The following KRI1 variants were observed in gnomAD, a reference collection of about 807,000 sequenced individuals.
KRI1 encodes the protein protein KRI1 homolog.
In KRI1, 83 loss-of-function variants were observed where a neutral mutation model predicts 97.0. The observed-to-expected ratio is 0.86, with a 90% CI of 0.72 to 1.03. The LOEUF is 1.03. KRI1 is among the 50% of genes least tolerant of loss of function. KRI1 has a pLI of 0.00. For missense variants in KRI1, 916 were observed against 928.4 expected (o/e 0.99, Z 0.17); for synonymous variants, 371 against 363.5 (o/e 1.02, Z -0.23).
chr19:10,565,943 C>T lies in KRI1; in HGVS notation c.57G>A (p.Arg19=). The T allele has an allele frequency of 6.5e-7, 1 of 1,531,468 alleles. No homozygotes were observed. Among genetic ancestry groups the T allele is most frequent in the East Asian group, 2.5e-5 (1 of 39,312 alleles). 94.9% of individuals were successfully genotyped at this position (1,531,468 alleles called of 1,614,324 possible). Residue 19 remains arginine, a synonymous_variant, in exon 1 of 19, where the codon CGG becomes CGA. Transcript: ENST00000312962. ...QLRVNAAFAA[R]YNRYREREEL... ...CCTCGCGCTCCCGGTAGCGGTTGTACCGCGCGGCAAACGCCGCGTTCACCC... is the reference window on the plus strand; with the variant it reads ...CCTCGCGCTCCCGGTAGCGGTTGTATCGCGCGGCAAACGCCGCGTTCACCC...
At chr19:10,556,626 C>G (rs543094333) in intron 16 of KRI1, among the ~76,000 whole-genome samples, 33 of 151,326 alleles carry the variant, frequency 2.2e-4, no homozygotes, top group Non-Finnish European at 3.8e-4. Flanking sequence ...GAGTTTGCAC[C>G]ACCGCATGCC....
chr19:10,554,990 A>G (rs1916452333), intron 18 of KRI1, 97 bp downstream of exon 18: 1 of 997,388 alleles, frequency 1.0e-6, no homozygotes, highest in Admixed American at 2.3e-5. Context: ...GGGGCGCTGC[A>G]TTCCCAAAGT....
chr19:10,553,781 T>C lies in KRI1; in HGVS notation c.*170A>G. 1.6e-6 allele frequency: 1 copy of C among 614,224 alleles called. No individual in the cohort carries two copies. Among genetic ancestry groups the C allele is most frequent in the Non-Finnish European group, 2.7e-6 (1 of 367,250 alleles). The allele number at this position is 614,224 out of a possible 1,614,324, so 38.0% of individuals were successfully genotyped here. ...TAAGTTGCCCACGCTGGTCTCCAATTCCTGGGCTCAAGTGATCCTTTCACC... is the reference window on the plus strand; with the variant it reads ...TAAGTTGCCCACGCTGGTCTCCAATCCCTGGGCTCAAGTGATCCTTTCACC... On this transcript the variant is annotated 3_prime_UTR_variant, in exon 19 of 19. Transcript: ENST00000312962.
chr19:10,561,655 A>C lies in KRI1; in HGVS notation c.488+12T>G, dbSNP rs975049364. The C allele has an allele frequency of 6.2e-7, 1 of 1,613,464 alleles. No individual in the cohort carries two copies. Among genetic ancestry groups the C allele is most frequent in the African/African-American group, 1.3e-5 (1 of 74,824 alleles). On this transcript the variant is annotated intron_variant, in intron 6 of 18. Coordinates refer to ENST00000312962, the MANE Select transcript of KRI1 (RefSeq NM_023008.5). ...TTCCTCCATTGGGCCATTCCCGCCC[A>C]CCCAGCCTCACCTTTCCTTGAGCTG...
intron 8 of KRI1, 152 bp downstream of exon 8, chr19:10,560,851 A>G: frequency 1.5e-6 from 1 of 659,122 alleles, no homozygotes; most frequent in South Asian, 1.8e-5. Context: ...GGTGTGAACC[A>G]CGGCACCCAG....
chr19:10,555,201 C>G lies in KRI1; in HGVS notation c.1683-16G>C, dbSNP rs1568420644. On this transcript the variant is annotated splice_polypyrimidine_tract_variant and intron_variant, in intron 17 of 18. Coordinates refer to ENST00000312962, the MANE Select transcript of KRI1 (RefSeq NM_023008.5). Reference sequence around the variant, plus strand: ...CTGCTCTGACCTGCAGACAGATGCCCCTGTGTTGGGTGCTCTGGGAAGTGC... The same window carrying G: ...CTGCTCTGACCTGCAGACAGATGCCGCTGTGTTGGGTGCTCTGGGAAGTGC... The G allele has an allele frequency of 5.0e-6, 8 of 1,613,774 alleles. No individual in the cohort carries two copies. In the South Asian group the frequency reaches 7.7e-5, roughly 16 times the overall value.
intron 2 of KRI1, chr19:10,565,457 G>A (rs1916835465): frequency 1.8e-6 from 1 of 556,656 alleles, no homozygotes. Context: ...GAGGAAAGGG[G>A]GGGTTCTTGG....
rs956936142 is a variant in KRI1, at chr19:10,553,753, C to T, written c.*198G>A. The T allele has an allele frequency of 8.2e-5, 46 of 559,896 alleles. 1 individual carries two copies. Among genetic ancestry groups the T allele is most frequent in the African/African-American group, 5.7e-5 (3 of 52,942 alleles). The allele number at this position is 559,896 out of a possible 1,614,324, so 34.7% of individuals were successfully genotyped here. ...ACCACATTTTGTAGAGATGGAGTCT[C>T]GCTAAGTTGCCCACGCTGGTCTCCA... On this transcript the variant is annotated 3_prime_UTR_variant, in exon 19 of 19. Transcript: ENST00000312962.
At position 10,555,194 on chromosome 19, in the gene KRI1, A is replaced by C; in HGVS notation, c.1683-9T>G. The C allele has an allele frequency of 7.0e-7, 1 of 1,437,600 alleles. No homozygotes were observed. The highest frequency in any genetic ancestry group is 9.4e-7 in the Non-Finnish European group (1 of 1,068,496). The allele number at this position is 1,437,600 out of a possible 1,614,324, so 89.1% of individuals were successfully genotyped here. Reference sequence around the variant, plus strand: ...GCTCCTCCTGCTCTGACCTGCAGACAGATGCCCCTGTGTTGGGTGCTCTGG... The same window carrying C: ...GCTCCTCCTGCTCTGACCTGCAGACCGATGCCCCTGTGTTGGGTGCTCTGG... On this transcript the variant is annotated splice_polypyrimidine_tract_variant and intron_variant, in intron 17 of 18. Transcript: ENST00000312962.
In KRI1 at chr19:10,558,243, C is replaced by G; in HGVS notation, c.1195-4G>C. 1.2e-6 allele frequency: 2 copies of G among 1,614,034 alleles called. No individual in the cohort carries two copies. Among genetic ancestry groups the G allele is most frequent in the Non-Finnish European group, 1.7e-6 (2 of 1,179,950 alleles). On this transcript the variant is annotated splice_polypyrimidine_tract_variant and splice_region_variant and intron_variant, in intron 12 of 18. Transcript: ENST00000312962. ...AGTACTCGTCCCCAAAGCACTTCTG[C>G]AGGGTCAGGGCTGGCGGTTACCAGA...
At chr19:10,564,535 T>A (rs1916801452) in intron 3 of KRI1, among the ~76,000 whole-genome samples, 1 of 151,650 alleles carries the variant, frequency 6.6e-6, no homozygotes, top group Non-Finnish European at 1.5e-5. Flanking sequence ...CAATTGACCC[T>A]CCCACCTCAG....
rs1916541555 is a variant in KRI1 at position 10,557,590 on chromosome 19, T to C, written c.1579A>G (p.Thr527Ala). Residue 527 changes from threonine to alanine, a missense_variant, in exon 16 of 19, where the codon ACA becomes GCA. Transcript: ENST00000312962. ...DDLPCRFKYR[T>A]VVPCDFGLST... ...AGGCCAAAGTCACAGGGCACCACTGTGCGGTACTTGAAGCGACAGGGCAGG... is the reference window on the plus strand; with the variant it reads ...AGGCCAAAGTCACAGGGCACCACTGCGCGGTACTTGAAGCGACAGGGCAGG... The C allele has an allele frequency of 1.2e-6, 2 of 1,614,124 alleles. No individual in the cohort carries two copies. The highest frequency in any genetic ancestry group is 1.7e-6 in the Non-Finnish European group (2 of 1,180,014).
rs765411673 is a variant in KRI1, at chr19:10,559,401, A to G, written c.1152T>C (p.Leu384=). Residue 384 remains leucine, a synonymous_variant, in exon 12 of 19, where the codon CTT becomes CTC. Transcript: ENST00000312962. ...NEMLGLEEGD[L]EDDFDPAQHD... ...GCTGGGCAGGGTCGAAGTCGTCTTC[A>G]AGGTCCCCCTCCTCGAGGCCCAGCA... 16 of 1,613,808 alleles carry G rather than the reference A, an allele frequency of 9.9e-6. No individual in the cohort carries two copies. The African/African-American group carries it at 1.3e-4, about 13-fold the overall frequency.
At chr19:10,555,807 G>A (rs1260914122) in intron 16 of KRI1, among the ~76,000 whole-genome samples, 2 of 152,172 alleles carry the variant, frequency 1.3e-5, no homozygotes, top group African/African-American at 2.4e-5. Context: ...AGTACACATC[G>A]GCTATTTTTA....
chr19:10,559,738 C>T, intron 10 of KRI1, 30 bp from the exon 11 acceptor site: 1 of 1,614,078 alleles, frequency 6.2e-7, no homozygotes, highest in Admixed American at 1.7e-5. Flanking sequence ...CCCACAAGGG[C>T]CGCAGAGATG....
Position 10,557,577 on chromosome 19 carries a change from C to T in KRI1, c.1592G>A (p.Cys531Tyr). The change falls in exon 16 of 19, where the codon TGT becomes TAT. Residue 531 changes from cysteine (C) to tyrosine (Y), a missense_variant. By Grantham distance (194) the Cys-to-Tyr change is radical. This residue lies in a region of KRI1 where 672 missense variants were observed against 667.2 expected (regional missense o/e 1.01). Transcript: ENST00000312962. ...CRFKYRTVVP[C>Y]DFGLSTEEIL... ...CTCCTCAGTGCTGAGGCCAAAGTCA[C>T]AGGGCACCACTGTGCGGTACTTGAA... 6.2e-7 allele frequency: 1 copy of T among 1,614,124 alleles called. No homozygotes were observed. Among genetic ancestry groups the T allele is most frequent in the Admixed American group, 1.7e-5 (1 of 60,018 alleles).
In KRI1 at chr19:10,565,817, C is replaced by CCCCG. The variant is rs1555750211; in HGVS notation, c.95-28_95-27insCGGG. On this transcript the variant is annotated intron_variant, in intron 1 of 18. Coordinates refer to ENST00000312962, the MANE Select transcript of KRI1 (RefSeq NM_023008.5). ...TGCGGGACACAGACGGGATGCCCCC[C>CCCCG]CCCAGGTCAGCCGGCGGGGCCACTC... The CCCCG allele has an allele frequency of 3.7e-5, 58 of 1,552,772 alleles. 1 individual carries two copies. The African/African-American group carries it at 6.4e-4, about 17-fold the overall frequency.
At position 10,553,869 on chromosome 19, in the gene KRI1, C is replaced by CAGAT. The variant is rs1406771062; in HGVS notation, c.*78_*81dup. On this transcript the variant is annotated 3_prime_UTR_variant, in exon 19 of 19. Coordinates refer to ENST00000312962, the MANE Select transcript of KRI1 (RefSeq NM_023008.5). ...GCCACAGATGAGAGGATCTCTGCAG[C>CAGAT]AGATAGTACTTGTGGGTGCGAGACC... 1.7e-6 allele frequency: 2 copies of CAGAT among 1,157,514 alleles called. No homozygotes were observed. The highest frequency in any genetic ancestry group is 2.4e-6 in the Non-Finnish European group (2 of 841,418). 71.7% of individuals were successfully genotyped at this position (1,157,514 alleles called of 1,614,324 possible).
At chr19:10,554,306 G>C (rs777673725) in intron 18 of KRI1, 25 bp from the exon 19 acceptor site, 1 of 1,594,952 alleles carries the variant, frequency 6.3e-7, no homozygotes, top group South Asian at 1.1e-5. Flanking sequence ...TCAGGGCTCA[G>C]CCCAGGCCTG....
Sources: gnomAD v4.1 joint callset for allele counts (sites outside exome capture counted in the v4.1 genomes callset) on GRCh38, gnomAD v4.1.1 for gene constraint, gnomAD v4.1.1 regional missense constraint, MANE v1.5 for transcripts, NCBI Gene and HGNC (gene_info 2026-07-23, HGNC 2026-07-21) for gene names.